The following OSBPL3 variants were observed in gnomAD, a reference collection of about 807,000 sequenced individuals.
OSBPL3 encodes the protein oxysterol-binding protein-related protein 3.
Under a neutral mutation model 120.1 loss-of-function variants are expected in OSBPL3, and 65 were observed. That is an observed-to-expected ratio of 0.54 (90% CI 0.44 to 0.67). The LOEUF (loss-of-function observed/expected upper bound fraction) is 0.67. Among genes scored for constraint, OSBPL3 ranks in the 30% least tolerant of loss-of-function variants. The probability of loss-of-function intolerance (pLI) is 0.00; values close to 1 mark genes in which losing one functional copy is unlikely to be tolerated. For missense variants in OSBPL3, 1,004 were observed against 1,082.1 expected (o/e 0.93, Z 1.01); for synonymous variants, 416 against 402.6 (o/e 1.03, Z -0.40).
At chr7:24,878,253 T>C (rs1468787177) in intron 2 of OSBPL3, among the ~76,000 whole-genome samples, 1 of 152,212 alleles carries the variant, frequency 6.6e-6, no homozygotes, top group African/African-American at 2.4e-5. Context: ...TGCAGTGATG[T>C]CAGAAATAGA....
At chr7:24,816,036 A>C (rs1794425794) in intron 18 of OSBPL3, among the ~76,000 whole-genome samples, 1 of 152,094 alleles carries the variant, frequency 6.6e-6, no homozygotes, top group Admixed American at 6.5e-5. Context: ...TTTTTTTAAA[A>C]AAATTGAGAT....
rs564701792 is a variant in OSBPL3, at chr7:24,928,444, G to A, written c.-149-35823C>T. Among the ~76,000 whole-genome samples, 4 of 152,156 alleles carry A rather than the reference G, an allele frequency of 2.6e-5. No homozygotes were observed. The South Asian group carries it at 8.3e-4, about 32-fold the overall frequency. On this transcript the variant is annotated intron_variant, in intron 1 of 22. Coordinates refer to ENST00000313367, the MANE Select transcript of OSBPL3 (RefSeq NM_015550.4). ...CTGACCTCGTGATCTGCCCACCTTG[G>A]CCTCCCAAAGTGCTAGGATTACAGG...
chr7:24,851,706 T>C lies in OSBPL3; in HGVS notation c.1158+798A>G, dbSNP rs983003220. On this transcript the variant is annotated intron_variant, in intron 11 of 22. Coordinates refer to ENST00000313367, the MANE Select transcript of OSBPL3 (RefSeq NM_015550.4). The surrounding 1 kb of genome is among the most constrained non-coding windows in gnomAD (Gnocchi z 4.1). ...GCAAATCAGTATGCTATTTCAAAAG[T>C]TCTCTAGCCTCCTGATAGATTCAGG... Among the ~76,000 whole-genome samples the C allele has an allele frequency of 1.3e-5, 2 of 151,682 alleles. No individual in the cohort carries two copies. The highest frequency in any genetic ancestry group is 2.9e-5 in the Non-Finnish European group (2 of 67,964).
chr7:24,956,292 C>A (rs1269093699), intron 1 of OSBPL3, among the ~76,000 whole-genome samples: 1 of 152,272 alleles, frequency 6.6e-6, no homozygotes, highest in African/African-American at 2.4e-5. Flanking sequence ...AGTTAACCAA[C>A]CCTTCCCTGT....
chr7:24,919,268 C>T (rs1397889194), intron 1 of OSBPL3, among the ~76,000 whole-genome samples: 1 of 152,042 alleles, frequency 6.6e-6, no homozygotes, highest in African/African-American at 2.4e-5. Flanking sequence ...TACTACAAAG[C>T]TACAGGCACC....
chr7:24,966,231 C>G lies in OSBPL3; in HGVS notation c.-150+13655G>C, dbSNP rs577381577. ...AGAAATCCAGCACCTGCGGAGACCA[C>G]ACACTGCACATTTTACAAAAGAAAC... On this transcript the variant is annotated intron_variant, in intron 1 of 22. Coordinates refer to ENST00000313367, the MANE Select transcript of OSBPL3 (RefSeq NM_015550.4). The surrounding 1 kb of genome is among the most constrained non-coding windows in gnomAD (Gnocchi z 4.8). 1.3e-5 allele frequency among the ~76,000 whole-genome samples: 2 copies of G among 152,332 alleles called. No homozygotes were observed. Among genetic ancestry groups the G allele is most frequent in the African/African-American group, 4.8e-5 (2 of 41,572 alleles).
chr7:24,931,997 C>T (rs1162629830), intron 1 of OSBPL3, among the ~76,000 whole-genome samples: 1 of 152,192 alleles, frequency 6.6e-6, no homozygotes. Flanking sequence ...AACACAACCC[C>T]TTTGGGTCTC....
intron 2 of OSBPL3, among the ~76,000 whole-genome samples, 169 bp downstream of exon 2, chr7:24,892,208 A>G (rs1805453567): frequency 6.6e-6 from 1 of 152,234 alleles, no homozygotes. Flanking sequence ...TGGTAGGCAC[A>G]CATTATTAAA....
At chr7:24,903,005 G>A (rs1807291866) in intron 1 of OSBPL3, among the ~76,000 whole-genome samples, 1 of 152,168 alleles carries the variant, frequency 6.6e-6, no homozygotes, top group African/African-American at 2.4e-5. Context: ...AAAACTCCGT[G>A]GAATAAGACA....
chr7:24,959,131 C>T lies in OSBPL3; in HGVS notation c.-150+20755G>A, dbSNP rs148238707. ...AACTATCATAAACTGCTGGAAGAAA[C>T]GTAAATGGGCACAACCATTTTGGAA... On this transcript the variant is annotated intron_variant, in intron 1 of 22. Coordinates refer to ENST00000313367, the MANE Select transcript of OSBPL3 (RefSeq NM_015550.4). The surrounding 1 kb of genome is among the most constrained non-coding windows in gnomAD (Gnocchi z 4.3). Among the ~76,000 whole-genome samples the T allele has an allele frequency of 2.6e-4, 39 of 152,228 alleles. 2 individuals are homozygous for T. In the South Asian group the frequency reaches 6.0e-3, roughly 23 times the overall value.
At chr7:24,962,064 A>T (rs1815809523) in intron 1 of OSBPL3, among the ~76,000 whole-genome samples, 1 of 152,054 alleles carries the variant, frequency 6.6e-6, no homozygotes, top group Admixed American at 6.5e-5. Flanking sequence ...GCATTTTGGG[A>T]GGCTGAGGTG....
intron 1 of OSBPL3, among the ~76,000 whole-genome samples, chr7:24,895,342 A>C (rs1285056413): frequency 3.9e-5 from 6 of 152,206 alleles, no homozygotes; most frequent in Non-Finnish European, 8.8e-5. Flanking sequence ...TGCAGTATTC[A>C]GGACAGTATC....
rs2063222493 is a variant in OSBPL3 at position 24,940,378 on chromosome 7, A to G, written c.-150+39508T>C. On this transcript the variant is annotated intron_variant, in intron 1 of 22. Transcript: ENST00000313367. This position sits in a 1 kb window ranked among gnomAD's most constrained non-coding sequence, Gnocchi z 4.4. Reference sequence around the variant, plus strand: ...GGAGGTGTAGAAATTACTGGTACCAATGACAGATCATCAAAAGGGTTGACT... The same window carrying G: ...GGAGGTGTAGAAATTACTGGTACCAGTGACAGATCATCAAAAGGGTTGACT... 6.6e-6 allele frequency among the ~76,000 whole-genome samples: 1 copy of G among 152,198 alleles called. No individual in the cohort carries two copies. The highest frequency in any genetic ancestry group is 1.5e-5 in the Non-Finnish European group (1 of 68,030).
rs1384291806 is a variant in OSBPL3, at chr7:24,808,384, C to T, written c.2317+1423G>A. Among the ~76,000 whole-genome samples, 2 of 152,166 alleles carry T rather than the reference C, an allele frequency of 1.3e-5. No homozygotes were observed. The highest frequency in any genetic ancestry group is 2.9e-5 in the Non-Finnish European group (2 of 68,034). On this transcript the variant is annotated intron_variant, in intron 20 of 22. Transcript: ENST00000313367. This position sits in a 1 kb window ranked among gnomAD's most constrained non-coding sequence, Gnocchi z 4.6. ...GGGATGCTCACTGCCATTAGAGAGA[C>T]ATAAAGTCAAGGAATAATGACAGTA...
At chr7:24,934,775 T>G (rs116348532) in intron 1 of OSBPL3, among the ~76,000 whole-genome samples, 1,801 of 152,324 alleles carry the variant, frequency 0.012, 27 homozygotes, top group African/African-American at 0.032. Flanking sequence ...CAATTTTCAG[T>G]TATGTCTTCT....
intron 1 of OSBPL3, among the ~76,000 whole-genome samples, chr7:24,923,479 T>A (rs1308073823): frequency 6.6e-6 from 1 of 152,194 alleles, no homozygotes; most frequent in Non-Finnish European, 1.5e-5. Context: ...TGAAGACCAC[T>A]GAACTCAGTA....
intron 1 of OSBPL3, among the ~76,000 whole-genome samples, chr7:24,941,467 C>A (rs1487331148): frequency 2.0e-5 from 3 of 152,126 alleles, no homozygotes; most frequent in African/African-American, 7.2e-5. Context: ...CCTAGCTTTC[C>A]AAGGTGTAGT....
intron 14 of OSBPL3, among the ~76,000 whole-genome samples, chr7:24,836,749 G>T (rs1030330341): frequency 2.0e-4 from 30 of 152,132 alleles, no homozygotes; most frequent in African/African-American, 7.0e-4. Flanking sequence ...CTGCTCTGAT[G>T]AACAGAAACA....
At chr7:24,928,758 C>G (rs1253762190) in intron 1 of OSBPL3, among the ~76,000 whole-genome samples, 3 of 152,174 alleles carry the variant, frequency 2.0e-5, no homozygotes, top group Admixed American at 2.0e-4. Context: ...TTAATGGAAT[C>G]ATACAGAATA....
Sources: gnomAD v4.1 joint callset for allele counts (sites outside exome capture counted in the v4.1 genomes callset) on GRCh38, gnomAD v4.1.1 for gene constraint, Gnocchi (gnomAD v3.1) non-coding constraint, MANE v1.5 for transcripts, NCBI Gene and HGNC (gene_info 2026-07-23, HGNC 2026-07-21) for gene names.